SCHIP1: variants seen among roughly 807,000 people sequenced by gnomAD.
The protein encoded by SCHIP1 is schwannomin interacting protein 1, also known as schwannomin-interacting protein 1.
SCHIP1 carries 8 observed loss-of-function variants against 29.7 expected under a neutral mutation model. The observed-to-expected ratio is 0.27, with a 90% confidence interval of 0.16 to 0.49. The LOEUF is 0.49. SCHIP1 is among the 20% of genes least tolerant of loss of function. The pLI is 0.99. For missense variants in SCHIP1, 193 were observed against 294.6 expected (o/e 0.66, Z 2.52); for synonymous variants, 76 against 94.9 (o/e 0.80, Z 1.16).
chr3:159,724,885 T>C, the SCHIP1 span, among the ~76,000 whole-genome samples: 1 of 152,256 alleles, frequency 6.6e-6, no homozygotes, highest in South Asian at 2.1e-4. Flanking sequence ...TATAGCTGCC[T>C]TCATTCTCAT....
the SCHIP1 span, among the ~76,000 whole-genome samples, chr3:159,821,588 A>T: frequency 6.6e-6 from 1 of 152,152 alleles, no homozygotes; most frequent in African/African-American, 2.4e-5. Context: ...GAACTTATAC[A>T]CTGTGCTGTA....
chr3:159,764,979 G>T, the SCHIP1 span: 24,777 of 1,506,154 alleles, frequency 0.016, 2,754 homozygotes, highest in African/African-American at 0.27. This position sits in a 1 kb window ranked among gnomAD's most constrained non-coding sequence, Gnocchi z 6.1. Flanking sequence ...CGGCGGCTGG[G>T]GGGCTCTGCC....
intron 5 of SCHIP1, among the ~76,000 whole-genome samples, chr3:159,890,771 T>A (rs1717433061): frequency 6.6e-6 from 1 of 150,460 alleles, no homozygotes; most frequent in African/African-American, 2.4e-5. Flanking sequence ...TTTGTGTGAT[T>A]TTTTTTTTTG....
chr3:159,420,219 C>A, the SCHIP1 span, among the ~76,000 whole-genome samples: 1 of 152,146 alleles, frequency 6.6e-6, no homozygotes, highest in East Asian at 1.9e-4. Flanking sequence ...GGGGCAAAGA[C>A]AAGAGAAATG....
chr3:159,350,166 A>G, the SCHIP1 span, among the ~76,000 whole-genome samples: 17 of 152,134 alleles, frequency 1.1e-4, no homozygotes, highest in African/African-American at 4.1e-4. Flanking sequence ...ATTGTATTTA[A>G]TATCATCTGA....
At chr3:159,736,262 A>G in the SCHIP1 span, among the ~76,000 whole-genome samples, 1 of 152,214 alleles carries the variant, frequency 6.6e-6, no homozygotes, top group African/African-American at 2.4e-5. Context: ...AACTGTGGAA[A>G]CAGCCTACAA....
the SCHIP1 span, among the ~76,000 whole-genome samples, chr3:159,744,353 T>C: frequency 6.6e-6 from 1 of 152,172 alleles, no homozygotes; most frequent in East Asian, 1.9e-4. Context: ...AATAAGACCT[T>C]AGGCAAAAAT....
At chr3:159,735,281 G>A in the SCHIP1 span, among the ~76,000 whole-genome samples, 1 of 150,484 alleles carries the variant, frequency 6.6e-6, no homozygotes, top group Non-Finnish European at 1.5e-5. Flanking sequence ...CCAGGCTGGA[G>A]TGCAGTGGTG....
intron 1 of SCHIP1, among the ~76,000 whole-genome samples, chr3:159,848,048 C>A (rs1302199012): frequency 1.3e-5 from 2 of 152,184 alleles, no homozygotes; most frequent in Non-Finnish European, 2.9e-5. Flanking sequence ...CATAAGTGAT[C>A]TCCCAGTAAT....
At chr3:159,391,579 T>A in the SCHIP1 span, among the ~76,000 whole-genome samples, 1 of 152,344 alleles carries the variant, frequency 6.6e-6, no homozygotes, top group South Asian at 2.1e-4. Flanking sequence ...TCAGTCTAGT[T>A]CTTAAGTCAA....
the SCHIP1 span, among the ~76,000 whole-genome samples, chr3:159,728,892 G>A: frequency 2.0e-5 from 3 of 152,208 alleles, no homozygotes; most frequent in African/African-American, 7.2e-5. Flanking sequence ...GCTCATGCCT[G>A]TAATACCACC....
the SCHIP1 span, among the ~76,000 whole-genome samples, chr3:159,607,582 G>A: frequency 1.3e-5 from 2 of 152,244 alleles, no homozygotes; most frequent in East Asian, 1.9e-4. Flanking sequence ...CACAGAGAAT[G>A]GCTGCAAAAC....
At chr3:159,378,604 G>A in the SCHIP1 span, among the ~76,000 whole-genome samples, 1 of 152,100 alleles carries the variant, frequency 6.6e-6, no homozygotes, top group Non-Finnish European at 1.5e-5. Context: ...TGACTCCCTT[G>A]TTTTTATGTC....
chr3:159,395,152 G>T, the SCHIP1 span, among the ~76,000 whole-genome samples: 1 of 152,078 alleles, frequency 6.6e-6, no homozygotes, highest in Non-Finnish European at 1.5e-5. Flanking sequence ...ATTTCTGTGG[G>T]ATCGGTGGTG....
intron 3 of SCHIP1, 80 bp downstream of exon 4, chr3:159,886,404 C>G: frequency 1.6e-6 from 2 of 1,256,056 alleles, no homozygotes; most frequent in Non-Finnish European, 1.1e-6. Context: ...TAAGGTGAAT[C>G]AGGAACAAAC....
chr3:159,282,983 T>C, the SCHIP1 span, among the ~76,000 whole-genome samples: 1 of 151,984 alleles, frequency 6.6e-6, no homozygotes, highest in East Asian at 2.0e-4. Flanking sequence ...GAGACTTTAA[T>C]AGCAATTGCA....
chr3:159,742,933 C>G, the SCHIP1 span, among the ~76,000 whole-genome samples: 1 of 150,280 alleles, frequency 6.7e-6, no homozygotes, highest in Non-Finnish European at 1.5e-5. Context: ...GTGATCCACA[C>G]ACCTCGGCCT....
At position 159,844,431 on chromosome 3, in the gene SCHIP1, G is replaced by A. The variant is rs367745733; in HGVS notation, c.30+4217G>A. 2.2e-4 allele frequency among the ~76,000 whole-genome samples: 33 copies of A among 152,280 alleles called. No homozygotes were observed. The South Asian group carries it at 6.2e-3, about 29-fold the overall frequency. ...TTTTGTTTTTAAAACTGCTCACATC[G>A]TCGTCATCTTCATATACTTTTCTTC... On this transcript the variant is annotated intron_variant, in intron 1 of 6. Transcript: ENST00000445224.
chr3:159,455,717 A>G, the SCHIP1 span, among the ~76,000 whole-genome samples: 1 of 152,232 alleles, frequency 6.6e-6, no homozygotes, highest in Non-Finnish European at 1.5e-5. Flanking sequence ...AGTCTATTTT[A>G]CTATCACACC....
Sources: gnomAD v4.1 joint callset for allele counts (sites outside exome capture counted in the v4.1 genomes callset) on GRCh38, gnomAD v4.1.1 for gene constraint, Gnocchi (gnomAD v3.1) non-coding constraint, MANE v1.5 for transcripts, NCBI Gene and HGNC (gene_info 2026-07-23, HGNC 2026-07-21) for gene names.